The following PDE4A variants were observed in gnomAD, a reference collection of about 807,000 sequenced individuals.
PDE4A encodes the protein 3',5'-cyclic-AMP phosphodiesterase 4A.
A neutral mutation model predicts 73.9 loss-of-function variants in PDE4A; 21 were observed. The observed-to-expected ratio is 0.28, with a 90% CI of 0.20 to 0.41. The LOEUF (loss-of-function observed/expected upper bound fraction) is 0.41. Ranked by LOEUF, PDE4A falls within the 10% of genes least tolerant of loss-of-function variation. The probability of loss-of-function intolerance (pLI) is 1.00; values close to 1 mark genes in which losing one functional copy is unlikely to be tolerated. For missense variants in PDE4A, 958 were observed against 1,211.4 expected, an observed-to-expected ratio of 0.79 and a Z score of 3.10; for synonymous variants, 463 against 505.4, an observed-to-expected ratio of 0.92 and a Z score of 1.13.
Position 10,430,842 on chromosome 19 carries a change from G to T in PDE4A, c.320+9758G>T. ...CCCGCCGAGGCGGGGCCGCCCCGCG[G>T]CCATGGCGCGGCCGCGCGGCCTAGG... On this transcript the variant is annotated intron_variant, in intron 1 of 14. Coordinates refer to ENST00000380702, the MANE Select transcript of PDE4A (RefSeq NM_001111307.2). The T allele has an allele frequency of 1.9e-5, 22 of 1,183,318 alleles. No homozygotes were observed. The South Asian group carries it at 5.1e-4, about 27-fold the overall frequency. The allele number at this position is 1,183,318 out of a possible 1,614,324, so 73.3% of individuals were successfully genotyped here.
intron 11 of PDE4A, 25 bp from the exon 12 acceptor site, chr19:10,461,501 C>CGG (rs2043269637): frequency 1.4e-5 from 22 of 1,611,640 alleles, no homozygotes; most frequent in Non-Finnish European, 1.9e-5. Context: ...GTGGGCCCTC[C>CGG]CCTGACCTCC....
chr19:10,446,167 C>T (rs1311871710), intron 1 of PDE4A, 51 bp from the exon 2 acceptor site: 4 of 1,537,018 alleles, frequency 2.6e-6, no homozygotes, highest in Non-Finnish European at 3.5e-6. Flanking sequence ...CTCTTGACCT[C>T]CCTAATAGCG....
chr19:10,421,208 G>A (rs1403632125), intron 1 of PDE4A, 124 bp downstream of exon 1: 6 of 1,334,402 alleles, frequency 4.5e-6, no homozygotes, highest in Admixed American at 4.1e-5. Flanking sequence ...GGGGGCGGAG[G>A]GAATTCGGCT....
intron 7 of PDE4A, among the ~76,000 whole-genome samples, chr19:10,457,106 G>C (rs1395415915): frequency 6.6e-6 from 1 of 152,176 alleles, no homozygotes; most frequent in Non-Finnish European, 1.5e-5. Flanking sequence ...GCTGAGGTAG[G>C]AAAATCGCTT....
At chr19:10,417,690 G>A, upstream of PDE4A, 1 of 1,595,692 alleles carries the variant, frequency 6.3e-7, no homozygotes, top group Non-Finnish European at 8.5e-7. Context: ...ATCCGACCGT[G>A]CCAACATGCT....
chr19:10,427,245 A>T (rs2042729209), intron 1 of PDE4A, among the ~76,000 whole-genome samples: 1 of 152,220 alleles, frequency 6.6e-6, no homozygotes, highest in Non-Finnish European at 1.5e-5. Flanking sequence ...GGTTGCAGTG[A>T]GCCAAGACCG....
chr19:10,439,634 C>G (rs184026833), intron 1 of PDE4A, among the ~76,000 whole-genome samples: 2 of 152,136 alleles, frequency 1.3e-5, no homozygotes, highest in South Asian at 4.2e-4. Flanking sequence ...CTCAGGGATG[C>G]GAAGAGTCCA....
At position 10,463,949 on chromosome 19, in the gene PDE4A, C is replaced by T. The variant is rs765901065; in HGVS notation, c.1900C>T (p.His634Tyr). The T allele has an allele frequency of 3.7e-6, 6 of 1,614,012 alleles. No homozygotes were observed. Among genetic ancestry groups the T allele is most frequent in the East Asian group, 2.2e-5 (1 of 44,888 alleles). The stretch of plus-strand genomic sequence containing the variant: ...GGAAATCAGCCCCATGTGTGACAAG[C>T]ACACTGCCTCCGTGGAGAAGTCTCA... ...GMEISPMCDKHTASVEKSQVG... is the reference protein window; with the variant it reads ...GMEISPMCDKYTASVEKSQVG... The change falls in exon 14 of 15, where the codon CAC becomes TAC. Residue 634 changes from histidine to tyrosine, a missense_variant. Physicochemically the swap from His to Tyr is moderately conservative, Grantham distance 83. Around this residue, in one of 3 missense-constraint regions of PDE4A, gnomAD observed 570 missense variants for 827.7 expected, o/e 0.69. Coordinates refer to ENST00000380702, the MANE Select transcript of PDE4A (RefSeq NM_001111307.2).
intron 1 of PDE4A, among the ~76,000 whole-genome samples, chr19:10,442,986 T>C (rs1045559177): frequency 6.6e-6 from 1 of 151,920 alleles, no homozygotes; most frequent in African/African-American, 2.4e-5. Context: ...ATATTACATA[T>C]TACCAATATT....
intron 14 of PDE4A, among the ~76,000 whole-genome samples, chr19:10,465,012 T>C (rs2144520101): frequency 6.6e-6 from 1 of 151,020 alleles, no homozygotes; most frequent in South Asian, 2.1e-4. Flanking sequence ...CCACCCTGCC[T>C]GGCCCCTCCC....
intron 1 of PDE4A, among the ~76,000 whole-genome samples, chr19:10,439,047 C>T (rs777300259): frequency 3.9e-5 from 6 of 152,164 alleles, no homozygotes; most frequent in Admixed American, 1.3e-4. Context: ...TCGTGAATTA[C>T]GCTGCTGTGA....
chr19:10,432,634 G>C, intron 1 of PDE4A: 1 of 1,448,020 alleles, frequency 6.9e-7, no homozygotes, highest in Non-Finnish European at 9.2e-7. Flanking sequence ...CTGTGCTGGG[G>C]GGGTGGGGGT....
chr19:10,451,083 A>G, intron 6 of PDE4A, 142 bp downstream of exon 6: 2 of 834,438 alleles, frequency 2.4e-6, no homozygotes, highest in Non-Finnish European at 3.8e-6. Context: ...GGAGATAGCT[A>G]CTGGGTGTGG....
At chr19:10,448,370 C>A (rs2043042605) in intron 2 of PDE4A, among the ~76,000 whole-genome samples, 1 of 151,986 alleles carries the variant, frequency 6.6e-6, no homozygotes, top group Admixed American at 6.6e-5. Flanking sequence ...GGCACGGTGG[C>A]TCACGCCTAT....
Position 10,424,538 on chromosome 19 carries a change from C to A in PDE4A, c.320+3454C>A, listed in dbSNP as rs928317238. 5.3e-5 allele frequency among the ~76,000 whole-genome samples: 8 copies of A among 152,254 alleles called. No individual in the cohort carries two copies. The highest frequency in any genetic ancestry group is 1.7e-4 in the African/African-American group (7 of 41,462). On this transcript the variant is annotated intron_variant, in intron 1 of 14. Coordinates refer to ENST00000380702, the MANE Select transcript of PDE4A (RefSeq NM_001111307.2). The surrounding 1 kb of genome is among the most constrained non-coding windows in gnomAD (Gnocchi z 4.8). ...GGTGTGCGCTCCGAGCGCGGACCTG[C>A]TCCAGGGACGCCGCCAGTCCCGGAG...
chr19:10,430,785 C>A, intron 1 of PDE4A: 1 of 620,462 alleles, frequency 1.6e-6, no homozygotes, highest in Non-Finnish European at 2.0e-6. Flanking sequence ...CCTGCGTGGG[C>A]CTGGCGGGGT....
chr19:10,445,034 G>C (rs1035913141), intron 1 of PDE4A, among the ~76,000 whole-genome samples: 3 of 152,150 alleles, frequency 2.0e-5, no homozygotes, highest in Non-Finnish European at 4.4e-5. Flanking sequence ...GAATGAGTGA[G>C]GGGGGAAGGG....
intron 1 of PDE4A, among the ~76,000 whole-genome samples, chr19:10,439,982 C>CTTTTTTT (rs1162121051): frequency 1.1e-4 from 12 of 114,020 alleles, no homozygotes; most frequent in East Asian, 2.8e-4. Context: ...ATGGTATCTC[C>CTTTTTTT]TTTTTTTTTT....
At position 10,424,641 on chromosome 19, in the gene PDE4A, C is replaced by T. The variant is rs1441953228; in HGVS notation, c.320+3557C>T. ...TATTGAGCGTCCTGGAGAGCGGGCG[C>T]CAGGCCGGCTGACCGCAGGCTGCGT... On this transcript the variant is annotated intron_variant, in intron 1 of 14. Coordinates refer to ENST00000380702, the MANE Select transcript of PDE4A (RefSeq NM_001111307.2). This position sits in a 1 kb window ranked among gnomAD's most constrained non-coding sequence, Gnocchi z 4.8. 6.6e-6 allele frequency among the ~76,000 whole-genome samples: 1 copy of T among 152,270 alleles called. No homozygotes were observed. The highest frequency in any genetic ancestry group is 2.4e-5 in the African/African-American group (1 of 41,474).
Sources: allele counts gnomAD v4.1 joint callset (sites outside exome capture counted in the v4.1 genomes callset), GRCh38; gene constraint gnomAD v4.1.1; regional missense constraint gnomAD v4.1.1; non-coding constraint Gnocchi (gnomAD v3.1); transcripts MANE v1.5; gene names NCBI Gene and HGNC (gene_info 2026-07-23, HGNC 2026-07-21).